The following KDM4B variants were observed in gnomAD, a reference collection of about 807,000 sequenced individuals.
The protein encoded by KDM4B is lysine demethylase 4B, also known as lysine-specific demethylase 4B.
A neutral mutation model predicts 125.2 loss-of-function variants in KDM4B; 32 were observed. The observed-to-expected ratio is 0.26, with a 90% CI of 0.19 to 0.34. KDM4B has a LOEUF of 0.34. Ranked by LOEUF, KDM4B falls within the 10% of genes least tolerant of loss-of-function variation. KDM4B has a pLI of 1.00. For synonymous variants in KDM4B, 721 were observed against 677.9 expected (o/e 1.06, Z -0.99); for missense variants, 1,190 against 1,577.7 (o/e 0.75, Z 4.16).
intron 9 of KDM4B, among the ~76,000 whole-genome samples, chr19:5,097,882 C>T (rs553274313): frequency 1.3e-5 from 2 of 152,340 alleles, no homozygotes; most frequent in Admixed American, 6.5e-5. Context: ...GAGATGGGAA[C>T]CCTCCTCCTC....
At position 4,991,637 on chromosome 19, in the gene KDM4B, C is replaced by T. The variant is rs1036605709; in HGVS notation, c.-109+22407C>T. ...CTTCCTCAGGCGTCCTCAGTGTTAGCACTGGCTCATTCTTTTGGTAGAGTC... is the reference window on the plus strand; with the variant it reads ...CTTCCTCAGGCGTCCTCAGTGTTAGTACTGGCTCATTCTTTTGGTAGAGTC... On this transcript the variant is annotated intron_variant, in intron 1 of 22. Coordinates refer to ENST00000159111, the MANE Select transcript of KDM4B (RefSeq NM_015015.3). Among the ~76,000 whole-genome samples the T allele has an allele frequency of 5.9e-5, 9 of 152,328 alleles. No homozygotes were observed. In the South Asian group the frequency reaches 8.3e-4, roughly 14 times the overall value.
chr19:5,114,025 C>G lies in KDM4B; in HGVS notation c.1115+3207C>G, dbSNP rs748045757. The G allele has an allele frequency of 4.4e-5, 56 of 1,280,966 alleles. No individual in the cohort carries two copies. The highest frequency in any genetic ancestry group is 5.6e-5 in the East Asian group (1 of 17,916). The allele number at this position is 1,280,966 out of a possible 1,614,324, so 79.3% of individuals were successfully genotyped here. A position where few individuals can be genotyped will look rare whatever the true frequency, so the allele number is the denominator to read the frequency against. On this transcript the variant is annotated intron_variant, in intron 10 of 22. Coordinates refer to ENST00000159111, the MANE Select transcript of KDM4B (RefSeq NM_015015.3). This position sits in a 1 kb window ranked among gnomAD's most constrained non-coding sequence, Gnocchi z 5.8. ...AGCGTTGGGGGCTGTTTGTATTCTT[C>G]CCCCTGATGGATGGGTCGCCTAAAA...
At chr19:5,021,808 A>AT (rs1340617232) in intron 2 of KDM4B, among the ~76,000 whole-genome samples, 2 of 151,620 alleles carry the variant, frequency 1.3e-5, no homozygotes, top group Admixed American at 6.6e-5. Flanking sequence ...TAATTTTTGT[A>AT]TTTTTTTAGT....
intron 9 of KDM4B, among the ~76,000 whole-genome samples, chr19:5,088,972 C>T (rs201470520): frequency 1.6e-4 from 25 of 152,268 alleles, no homozygotes; most frequent in Middle Eastern, 3.4e-3. Flanking sequence ...CTACACCGTG[C>T]GAGACCCCAT....
At chr19:5,071,085 G>C in intron 7 of KDM4B, 26 bp downstream of exon 7, 1 of 1,608,728 alleles carries the variant, frequency 6.2e-7, no homozygotes. Context: ...GAGGGCCCCA[G>C]GGACCTGGGA....
chr19:5,003,937 T>C (rs1320287612), intron 1 of KDM4B, among the ~76,000 whole-genome samples: 3 of 152,230 alleles, frequency 2.0e-5, no homozygotes, highest in Non-Finnish European at 2.9e-5. Flanking sequence ...CCGTGGGTTG[T>C]TGGCCGCGGT....
intron 9 of KDM4B, among the ~76,000 whole-genome samples, chr19:5,098,281 T>A (rs1032354875): frequency 6.6e-6 from 1 of 152,242 alleles, no homozygotes; most frequent in Non-Finnish European, 1.5e-5. Context: ...TTTTTTATTT[T>A]ATTTTTTATT....
intron 2 of KDM4B, among the ~76,000 whole-genome samples, chr19:5,025,890 T>A (rs1046356712): frequency 6.6e-6 from 1 of 152,188 alleles, no homozygotes. Context: ...ATTTTACTTA[T>A]TAATTTTTTT....
chr19:5,039,871 G>T lies in KDM4B; in HGVS notation c.177G>T (p.Thr59=). ...CGAAGGAGTGGAAGCCGCGGCAGAC[G>T]TATGATGACATCGACGACGTGGTGA... ...IPPKEWKPRQ[T]YDDIDDVVIP... The change falls in exon 4 of 23, where the codon ACG becomes ACT. Residue 59 remains threonine (T), a synonymous_variant. Transcript: ENST00000159111. The T allele has an allele frequency of 6.2e-7, 1 of 1,612,934 alleles. No homozygotes were observed. Among genetic ancestry groups the T allele is most frequent in the South Asian group, 1.1e-5 (1 of 91,086 alleles).
chr19:5,128,893 G>A (rs369961005), intron 11 of KDM4B, among the ~76,000 whole-genome samples: 27 of 151,510 alleles, frequency 1.8e-4, no homozygotes, highest in African/African-American at 5.6e-4. Context: ...CGGGGGGCCC[G>A]GATACCAGCG....
At chr19:5,145,041 C>T in intron 21 of KDM4B, 139 bp downstream of exon 21, 1 of 1,098,002 alleles carries the variant, frequency 9.1e-7, no homozygotes, top group South Asian at 1.5e-5. Context: ...GTGAGGCCCG[C>T]AGGACCCAGC....
At position 5,144,350 on chromosome 19, in the gene KDM4B, T is replaced by G. The variant is rs1245965590; in HGVS notation, c.2839T>G (p.Cys947Gly). Residue 947 changes from cysteine to glycine, a missense_variant, in exon 20 of 23, where the codon TGC becomes GGC. This residue lies in a region of KDM4B where 298 missense variants were observed against 439.7 expected (regional missense o/e 0.68). Transcript: ENST00000159111. ...CRVIGAASQT[C>G]YEVNFDDGSY... ...CGTCATCGGTGCCGCCTCGCAGACC[T>G]GCTACGAAGTGAACTTCGACGATGG... The G allele has an allele frequency of 6.9e-7, 1 of 1,444,702 alleles. No homozygotes were observed. The highest frequency in any genetic ancestry group is 1.2e-5 in the South Asian group (1 of 81,848). The allele number at this position is 1,444,702 out of a possible 1,614,324, so 89.5% of individuals were successfully genotyped here. A position where few individuals can be genotyped will look rare whatever the true frequency, so the allele number is the denominator to read the frequency against.
chr19:5,120,278 C>T (rs1330394235), intron 11 of KDM4B, among the ~76,000 whole-genome samples: 2 of 152,218 alleles, frequency 1.3e-5, no homozygotes. Flanking sequence ...GTGTTTGCAC[C>T]TCTGCACTCC....
At chr19:5,138,664 A>C (rs139513984) in intron 18 of KDM4B, among the ~76,000 whole-genome samples, 1 of 152,236 alleles carries the variant, frequency 6.6e-6, no homozygotes, top group Non-Finnish European at 1.5e-5. Flanking sequence ...TCAAAAAAAA[A>C]CAAACAATTG....
intron 11 of KDM4B, among the ~76,000 whole-genome samples, chr19:5,120,110 A>C (rs1325574946): frequency 6.6e-6 from 1 of 152,174 alleles, no homozygotes; most frequent in Non-Finnish European, 1.5e-5. Flanking sequence ...TAATCCTAGC[A>C]CTTTGGGAGG....
At chr19:5,077,246 C>G (rs2038145619) in intron 7 of KDM4B, 121 bp from the exon 8 acceptor site, 1 of 803,088 alleles carries the variant, frequency 1.2e-6, no homozygotes, top group Non-Finnish European at 2.1e-6. Context: ...GGGCCGTGCT[C>G]TGTGCTCCCA....
At chr19:5,097,766 G>T (rs139884913) in intron 9 of KDM4B, among the ~76,000 whole-genome samples, 1 of 152,236 alleles carries the variant, frequency 6.6e-6, no homozygotes, top group Non-Finnish European at 1.5e-5. Context: ...TGGGTACTGG[G>T]TGCAGTGTTG....
At chr19:5,008,213 C>T (rs2035619906) in intron 1 of KDM4B, among the ~76,000 whole-genome samples, 1 of 152,180 alleles carries the variant, frequency 6.6e-6, no homozygotes, top group Non-Finnish European at 1.5e-5. Flanking sequence ...AAGGGTCCAC[C>T]TTCATTTTTT....
intron 1 of KDM4B, among the ~76,000 whole-genome samples, chr19:5,011,460 C>G (rs1024412227): frequency 2.0e-5 from 3 of 152,340 alleles, no homozygotes; most frequent in Admixed American, 1.3e-4. Flanking sequence ...GTGTCCACCC[C>G]CAACCTGTAA....
Sources: gnomAD v4.1 joint callset for allele counts (sites outside exome capture counted in the v4.1 genomes callset) on GRCh38, gnomAD v4.1.1 for gene constraint, gnomAD v4.1.1 regional missense constraint, Gnocchi (gnomAD v3.1) non-coding constraint, MANE v1.5 for transcripts, NCBI Gene and HGNC (gene_info 2026-07-23, HGNC 2026-07-21) for gene names.